Variants in RALYL observed in about 807,000 individuals in gnomAD.
The protein encoded by RALYL is RNA-binding Raly-like protein.
Under a neutral mutation model 35.1 loss-of-function variants are expected in RALYL, and 29 were observed. The ratio of observed to expected loss-of-function variants is 0.83; its 90% confidence interval spans 0.61 to 1.13. RALYL has a LOEUF of 1.13. Ranked by LOEUF, RALYL falls within the 50% of genes most tolerant of loss-of-function variation. The pLI, the probability that RALYL is intolerant of heterozygous loss-of-function variation, is 0.00. For synonymous variants in RALYL, 120 were observed against 127.6 expected, an observed-to-expected ratio of 0.94 and a Z score of 0.40; for missense variants, 359 against 360.4, an observed-to-expected ratio of 1.00 and a Z score of 0.03.
At chr8:84,685,786 A>C (rs181213798) in intron 2 of RALYL, among the ~76,000 whole-genome samples, 57 of 152,300 alleles carry the variant, frequency 3.7e-4, no homozygotes, top group African/African-American at 1.3e-3. Context: ...GTGTGTGTGA[A>C]TAGTTAAGAA....
intron 1 of RALYL, among the ~76,000 whole-genome samples, chr8:84,422,015 T>TA (rs779175810): frequency 4.6e-5 from 7 of 152,186 alleles, no homozygotes; most frequent in African/African-American, 7.2e-5. Flanking sequence ...TTCTCTTTTT[T>TA]GGTTGTGTCT....
At chr8:84,735,848 G>GAA (rs1847213001) in intron 2 of RALYL, among the ~76,000 whole-genome samples, 1 of 148,944 alleles carries the variant, frequency 6.7e-6, no homozygotes, top group Non-Finnish European at 1.5e-5. Flanking sequence ...GAGAGAGAGA[G>GAA]AACGAGAACA....
intron 1 of RALYL, among the ~76,000 whole-genome samples, chr8:84,489,204 T>G (rs1222616975): frequency 6.6e-6 from 1 of 152,072 alleles, no homozygotes. Context: ...TACTATTGGC[T>G]TTTCTTTCTT....
chr8:84,425,530 G>T (rs746040442), intron 1 of RALYL, among the ~76,000 whole-genome samples: 1 of 152,224 alleles, frequency 6.6e-6, no homozygotes, highest in Non-Finnish European at 1.5e-5. Flanking sequence ...CACGCTGGGA[G>T]CTGTAGACTG....
At chr8:84,445,750 CGTG>C (rs2048784428) in intron 1 of RALYL, among the ~76,000 whole-genome samples, 1 of 151,386 alleles carries the variant, frequency 6.6e-6, no homozygotes, top group Non-Finnish European at 1.5e-5. Context: ...AATTGAAAAA[CGTG>C]GGCTCCCTCT....
At chr8:84,534,315 A>T (rs1308311869) in intron 2 of RALYL, among the ~76,000 whole-genome samples, 3 of 152,214 alleles carry the variant, frequency 2.0e-5, no homozygotes, top group Non-Finnish European at 2.9e-5. Context: ...TGCCTGGCTA[A>T]TCATTCTTCA....
At chr8:84,245,319 T>G (rs1473137460) in intron 1 of RALYL, among the ~76,000 whole-genome samples, 1 of 152,192 alleles carries the variant, frequency 6.6e-6, no homozygotes, top group African/African-American at 2.4e-5. Context: ...AAGTTTCTCC[T>G]CATAAAATGA....
chr8:84,480,236 T>C (rs567889978), intron 1 of RALYL, among the ~76,000 whole-genome samples: 1 of 152,290 alleles, frequency 6.6e-6, no homozygotes, highest in South Asian at 2.1e-4. Flanking sequence ...ATATCATTAA[T>C]ATCTGGAAAA....
intron 4 of RALYL, among the ~76,000 whole-genome samples, chr8:84,844,136 A>G (rs1221064453): frequency 6.6e-6 from 1 of 152,204 alleles, no homozygotes; most frequent in African/African-American, 2.4e-5. Context: ...ATTAAACTAA[A>G]GAGCTTCTGC....
intron 1 of RALYL, among the ~76,000 whole-genome samples, chr8:84,376,013 A>T (rs1856843128): frequency 6.6e-6 from 1 of 151,904 alleles, no homozygotes; most frequent in South Asian, 2.1e-4. Flanking sequence ...AAGCTTCTAG[A>T]GTTATTTGAA....
chr8:84,265,851 A>G (rs921248368), intron 1 of RALYL, among the ~76,000 whole-genome samples: 1 of 152,206 alleles, frequency 6.6e-6, no homozygotes, highest in Non-Finnish European at 1.5e-5. Flanking sequence ...TTTTTTATCA[A>G]GATGAGATAT....
chr8:84,642,373 GA>G (rs34032693), intron 2 of RALYL, among the ~76,000 whole-genome samples: 13,796 of 151,394 alleles, frequency 0.091, 1,590 homozygotes, highest in African/African-American at 0.27. Context: ...TTAAACTTGA[GA>G]AAAAAAACTC....
intron 7 of RALYL, among the ~76,000 whole-genome samples, chr8:84,884,783 T>A (rs1563807307): frequency 6.6e-6 from 1 of 152,132 alleles, no homozygotes; most frequent in Non-Finnish European, 1.5e-5. Flanking sequence ...CATTTTTCAC[T>A]GTACAGAATT....
rs533370447 is a variant in RALYL at position 84,360,975 on chromosome 8, A to T, written c.-23-168324A>T. 1.3e-3 allele frequency among the ~76,000 whole-genome samples: 192 copies of T among 151,872 alleles called. 3 individuals carry two copies. The highest frequency in any genetic ancestry group is 6.9e-3 in the Admixed American group (105 of 15,226). On this transcript the variant is annotated intron_variant, in intron 1 of 8. Coordinates refer to ENST00000521268, the MANE Select transcript of RALYL (RefSeq NM_173848.7). ...AAATGCAGTAAAGAAAAAAAAAAAA[A>T]AAGAAAAATAAGAAATGCCAGCACT...
At chr8:84,368,244 AAAG>A (rs879610351) in intron 1 of RALYL, among the ~76,000 whole-genome samples, 3 of 152,210 alleles carry the variant, frequency 2.0e-5, no homozygotes, top group Non-Finnish European at 4.4e-5. Context: ...TCTCAAAGAG[AAAG>A]AAGTCTAGAT....
At chr8:84,533,216 A>T (rs535258798) in intron 2 of RALYL, among the ~76,000 whole-genome samples, 1 of 152,222 alleles carries the variant, frequency 6.6e-6, no homozygotes, top group South Asian at 2.1e-4. Context: ...ATTGAGTTTG[A>T]ATTCTAAGTT....
chr8:84,537,479 A>T (rs574640652), intron 2 of RALYL, among the ~76,000 whole-genome samples: 2 of 151,834 alleles, frequency 1.3e-5, no homozygotes, highest in African/African-American at 4.8e-5. Context: ...TGTCTCAAAA[A>T]AAAAAAAAAA....
intron 1 of RALYL, among the ~76,000 whole-genome samples, chr8:84,313,465 T>C (rs935851986): frequency 1.3e-5 from 2 of 152,240 alleles, no homozygotes; most frequent in African/African-American, 2.4e-5. Flanking sequence ...GCTTCCTTTT[T>C]AAACATAAGT....
intron 6 of RALYL, 60 bp from the exon 7 acceptor site, chr8:84,873,224 C>G: frequency 1.1e-6 from 1 of 906,160 alleles, no homozygotes; most frequent in South Asian, 1.6e-5. Context: ...GAGTTCGGTC[C>G]TAGGTGAGTT....
Sources: gnomAD v4.1 joint callset for allele counts (sites outside exome capture counted in the v4.1 genomes callset) on GRCh38, gnomAD v4.1.1 for gene constraint, MANE v1.5 for transcripts, NCBI Gene and HGNC (gene_info 2026-07-23, HGNC 2026-07-21) for gene names.